Variants in KCNT2 observed in about 807,000 individuals in gnomAD.
KCNT2 encodes the protein potassium sodium-activated channel subfamily T member 2.
KCNT2 carries 67 observed loss-of-function variants against 153.8 expected under a neutral mutation model. The observed-to-expected ratio is 0.44, with a 90% CI of 0.36 to 0.53. The LOEUF is 0.53. Among genes scored for constraint, KCNT2 ranks in the 20% least tolerant of loss-of-function variants. The pLI is 0.00. For missense variants in KCNT2, 975 were observed against 1,354.8 expected, an observed-to-expected ratio of 0.72 and a Z score of 4.40; for synonymous variants, 500 against 458.8, an observed-to-expected ratio of 1.09 and a Z score of -1.15.
intron 8 of KCNT2, among the ~76,000 whole-genome samples, chr1:196,450,606 CAA>C (rs1279849817): frequency 2.6e-5 from 4 of 151,768 alleles, no homozygotes; most frequent in African/African-American, 9.7e-5. Context: ...AGTTTGTAAT[CAA>C]AAGTGTGTCA....
At chr1:196,602,848 G>A (rs1664897406) in intron 1 of KCNT2, among the ~76,000 whole-genome samples, 4 of 125,030 alleles carry the variant, frequency 3.2e-5, no homozygotes, top group African/African-American at 1.2e-4. Context: ...CTGCAGTGGC[G>A]CAATCTCGGC....
intron 8 of KCNT2, among the ~76,000 whole-genome samples, chr1:196,440,736 T>C (rs1298600941): frequency 6.6e-6 from 1 of 151,796 alleles, no homozygotes; most frequent in Non-Finnish European, 1.5e-5. Flanking sequence ...TCAAAATATA[T>C]AACTTAAAAT....
At chr1:196,543,792 A>C (rs1205546616) in intron 1 of KCNT2, among the ~76,000 whole-genome samples, 1 of 152,146 alleles carries the variant, frequency 6.6e-6, no homozygotes, top group Non-Finnish European at 1.5e-5. Flanking sequence ...TACATTGTTG[A>C]TTAGAATGTA....
chr1:196,466,943 C>T (rs1677672127), intron 7 of KCNT2, among the ~76,000 whole-genome samples: 1 of 151,956 alleles, frequency 6.6e-6, no homozygotes, highest in African/African-American at 2.4e-5. Flanking sequence ...TCTGAGTTCT[C>T]CATCTTTTAT....
chr1:196,509,589 T>C (rs1251001595), intron 1 of KCNT2, among the ~76,000 whole-genome samples: 1 of 152,160 alleles, frequency 6.6e-6, no homozygotes, highest in Non-Finnish European at 1.5e-5. Context: ...AAAGCAAAAG[T>C]ATGAAAAGCC....
chr1:196,337,868 A>G (rs1452698114), intron 16 of KCNT2, among the ~76,000 whole-genome samples: 1 of 152,006 alleles, frequency 6.6e-6, no homozygotes, highest in Non-Finnish European at 1.5e-5. Flanking sequence ...TTATTTTTTT[A>G]TATGTACTTT....
rs1352883864 is a variant in KCNT2 at position 196,479,217 on chromosome 1, G to C, written c.346C>G (p.Leu116Val). ...TAACCAAGTAATATTGTTTCAAACA[G>C]ACTTATCAATGCCACTGAAACCTGA... Reference protein sequence around the residue: ...GLQVSVALISLFETILLGYLS... With the variant: ...GLQVSVALISVFETILLGYLS... The change falls in exon 5 of 28, where the codon CTG becomes GTG. Residue 116 changes from leucine to valine, a missense_variant. Leu to Val is a conservative substitution (Grantham distance 32). Transcript: ENST00000294725. 3 of 1,572,922 alleles carry C rather than the reference G, an allele frequency of 1.9e-6. No homozygotes were observed. The African/African-American group carries it at 4.1e-5, about 21-fold the overall frequency.
At chr1:196,457,178 G>A (rs755737540) in intron 8 of KCNT2, among the ~76,000 whole-genome samples, 14 of 151,632 alleles carry the variant, frequency 9.2e-5, no homozygotes, top group Admixed American at 7.9e-4. Flanking sequence ...AATAACAGTG[G>A]AGTCCATTTT....
chr1:196,239,256 T>G (rs1654731115), intron 26 of KCNT2, among the ~76,000 whole-genome samples: 1 of 151,860 alleles, frequency 6.6e-6, no homozygotes, highest in Non-Finnish European at 1.5e-5. Context: ...ATAAAAAAAT[T>G]ATAAGTTTAA....
At chr1:196,549,959 G>C (rs911399873) in intron 1 of KCNT2, among the ~76,000 whole-genome samples, 6 of 151,858 alleles carry the variant, frequency 4.0e-5, no homozygotes, top group African/African-American at 1.5e-4. Flanking sequence ...TAGCAACGAA[G>C]TGGAGATGAG....
rs755404098 is a variant in KCNT2, at chr1:196,285,606, C to A, written c.2697+51G>T. 35 of 1,167,188 alleles carry A rather than the reference C, an allele frequency of 3.0e-5. No individual in the cohort carries two copies. In the Admixed American group the frequency reaches 6.1e-4, roughly 20 times the overall value. 72.3% of individuals were successfully genotyped at this position (1,167,188 alleles called of 1,614,324 possible). ...GATGTATTATTCATTTAAATAAAAT[C>A]TAAAACAGAAAACAACCATTTTAGA... On this transcript the variant is annotated intron_variant, in intron 23 of 27. Coordinates refer to ENST00000294725, the MANE Select transcript of KCNT2 (RefSeq NM_198503.5).
chr1:196,327,815 C>T (rs147604146), intron 18 of KCNT2, among the ~76,000 whole-genome samples: 23 of 151,800 alleles, frequency 1.5e-4, no homozygotes, highest in Non-Finnish European at 2.5e-4. Context: ...TACAGGTGGG[C>T]ACCAGCATGC....
intron 4 of KCNT2, 94 bp from the exon 5 acceptor site, chr1:196,479,332 C>CATGTATACACCCATAT: frequency 1.4e-6 from 1 of 701,950 alleles, no homozygotes; most frequent in Non-Finnish European, 2.5e-6. Flanking sequence ...AATATATGTG[C>CATGTATACACCCATAT]ATGTATACAT....
intron 14 of KCNT2, among the ~76,000 whole-genome samples, chr1:196,353,002 T>C (rs994656684): frequency 1.3e-5 from 2 of 152,148 alleles, no homozygotes; most frequent in Non-Finnish European, 2.9e-5. Context: ...TTCCATGTAG[T>C]TGAGCGGTTT....
intron 10 of KCNT2, among the ~76,000 whole-genome samples, 166 bp downstream of exon 10, chr1:196,427,939 T>C (rs1161848382): frequency 6.6e-6 from 1 of 152,096 alleles, no homozygotes; most frequent in Non-Finnish European, 1.5e-5. Context: ...TCCAGCATTT[T>C]TTTTCTATGT....
At chr1:196,345,518 A>G (rs932247786) in intron 14 of KCNT2, among the ~76,000 whole-genome samples, 8 of 152,162 alleles carry the variant, frequency 5.3e-5, no homozygotes, top group Non-Finnish European at 4.4e-5. Context: ...AGGACTTTAT[A>G]AATAACTGTA....
chr1:196,479,005 A>G (rs1678774909), intron 5 of KCNT2, among the ~76,000 whole-genome samples, 174 bp downstream of exon 5: 2 of 152,210 alleles, frequency 1.3e-5, no homozygotes, highest in South Asian at 4.1e-4. Context: ...TAAGTCATCA[A>G]GGAAAACATT....
intron 14 of KCNT2, among the ~76,000 whole-genome samples, chr1:196,363,887 GTATA>G (rs1263187885): frequency 6.6e-6 from 1 of 152,070 alleles, no homozygotes; most frequent in African/African-American, 2.4e-5. Context: ...GGAATTGTAA[GTATA>G]TATACTAGCA....
rs202207049 is a variant in KCNT2, at chr1:196,372,398, G to A, written c.1403+742C>T. 4.0e-4 allele frequency among the ~76,000 whole-genome samples: 60 copies of A among 151,794 alleles called. No individual in the cohort carries two copies. In the East Asian group the frequency reaches 8.3e-3, roughly 21 times the overall value. On this transcript the variant is annotated intron_variant, in intron 14 of 27. Transcript: ENST00000294725. ...CACTAGCATAAGTGGAATTTACTTC[G>A]AAAATCAACATTTTGTCTGAAATAT...
Sources: allele counts gnomAD v4.1 joint callset (sites outside exome capture counted in the v4.1 genomes callset), GRCh38; gene constraint gnomAD v4.1.1; transcripts MANE v1.5; gene names NCBI Gene and HGNC (gene_info 2026-07-23, HGNC 2026-07-21).